Variants in TRIP12 observed in about 807,000 individuals in gnomAD.
The protein encoded by TRIP12 is thyroid hormone receptor interactor 12.
A neutral mutation model predicts 244.2 loss-of-function variants in TRIP12; 25 were observed. That is an observed-to-expected ratio of 0.10 (90% CI 0.07 to 0.14). The LOEUF (loss-of-function observed/expected upper bound fraction) is 0.14. Ranked by LOEUF, TRIP12 falls within the 10% of genes least tolerant of loss-of-function variation. The pLI, the probability that TRIP12 is intolerant of heterozygous loss-of-function variation, is 1.00. For synonymous variants in TRIP12, 905 were observed against 873.1 expected, an observed-to-expected ratio of 1.04 and a Z score of -0.64; for missense variants, 1,677 against 2,486.4, an observed-to-expected ratio of 0.67 and a Z score of 6.92.
intron 1 of TRIP12, among the ~76,000 whole-genome samples, chr2:229,909,503 A>G (rs915334184): frequency 1.3e-5 from 2 of 151,690 alleles, no homozygotes; most frequent in African/African-American, 4.8e-5. Context: ...GGCTGCAGTG[A>G]GCAGTGACTG....
chr2:229,770,866 A>T (rs143119242), intron 39 of TRIP12, among the ~76,000 whole-genome samples: 45 of 152,268 alleles, frequency 3.0e-4, no homozygotes, highest in East Asian at 1.7e-3. Flanking sequence ...GCCATGTGAG[A>T]TGTGCCTTTC....
intron 3 of TRIP12, 103 bp downstream of exon 3, chr2:229,860,303 A>G (rs2060254651): frequency 2.9e-6 from 4 of 1,387,368 alleles, no homozygotes; most frequent in Non-Finnish European, 3.9e-6. Context: ...TAATGAAAAT[A>G]TGTATCAAAA....
At chr2:229,822,020 G>A (rs2050188031) in intron 8 of TRIP12, among the ~76,000 whole-genome samples, 2 of 152,164 alleles carry the variant, frequency 1.3e-5, no homozygotes, top group South Asian at 4.1e-4. Flanking sequence ...TGCACCTGCA[G>A]TCCCAGATAC....
At chr2:229,844,170 G>A (rs935715864) in intron 4 of TRIP12, among the ~76,000 whole-genome samples, 5 of 152,206 alleles carry the variant, frequency 3.3e-5, no homozygotes, top group Non-Finnish European at 7.3e-5. Context: ...GAATAGTTAA[G>A]ATGCTTTGGG....
At position 229,778,337 on chromosome 2, in the gene TRIP12, T is replaced by G. The variant is rs928826841; in HGVS notation, c.5364+96A>C. On this transcript the variant is annotated intron_variant, in intron 36 of 41. Transcript: ENST00000675903. This position sits in a 1 kb window ranked among gnomAD's most constrained non-coding sequence, Gnocchi z 4.1. ...TATGTGTATTGAAGTTTGAGAAGCA[T>G]TGCTCTAAACTATAGCAGTAAACTA... 2.8e-6 allele frequency: 4 copies of G among 1,435,620 alleles called. No individual in the cohort carries two copies. Among genetic ancestry groups the G allele is most frequent in the Admixed American group, 2.1e-5 (1 of 47,344 alleles). The allele number at this position is 1,435,620 out of a possible 1,614,324, so 88.9% of individuals were successfully genotyped here.
chr2:229,775,806 C>T (rs1451224587), intron 37 of TRIP12, among the ~76,000 whole-genome samples: 1 of 151,594 alleles, frequency 6.6e-6, no homozygotes, highest in Admixed American at 6.6e-5. Flanking sequence ...ATTAAAGAAA[C>T]AGGATGTGGT....
chr2:229,840,911 CGTA>C lies in TRIP12; in HGVS notation c.1041_1043del (p.Thr348del). The C allele has an allele frequency of 1.2e-6, 2 of 1,603,776 alleles. No individual in the cohort carries two copies. Among genetic ancestry groups the C allele is most frequent in the African/African-American group, 2.7e-5 (2 of 74,134 alleles). ...CAGGTGGAGACTCACTGCGTTTCTT[CGTA>C]GATTTTCTTAAACCTATCCACAGAA... On this transcript the variant is annotated inframe_deletion, in exon 5 of 42. Transcript: ENST00000675903.
chr2:229,769,240 G>A lies in TRIP12; in HGVS notation c.5894C>T (p.Thr1965Ile). The change falls in exon 40 of 42, where the codon ACT (threonine) becomes ATT (isoleucine). Residue 1965 changes from threonine (T) to isoleucine (I), a missense_variant. Thr to Ile is a moderately conservative substitution (Grantham distance 89). Coordinates refer to ENST00000675903, the MANE Select transcript of TRIP12 (RefSeq NM_001348323.3). Reference protein sequence around the residue: ...MECCRPDHGYTHDSRAVKFLF... With the variant: ...MECCRPDHGYIHDSRAVKFLF... ...AGACCCCAGTACTTACCTGTCATGA[G>A]TATAACCATGATCAGGCCTACAGCA... 1 of 1,613,142 alleles carries A rather than the reference G, an allele frequency of 6.2e-7. No individual in the cohort carries two copies. The highest frequency in any genetic ancestry group is 8.5e-7 in the Non-Finnish European group (1 of 1,179,536).
intron 11 of TRIP12, 94 bp from the exon 12 acceptor site, chr2:229,814,419 A>T (rs2048000716): frequency 8.2e-7 from 1 of 1,218,738 alleles, no homozygotes; most frequent in Non-Finnish European, 1.2e-6. Context: ...ACATCCATGT[A>T]TACTATCTCT....
intron 31 of TRIP12, 29 bp downstream of exon 31, chr2:229,789,582 A>C (rs757817852): frequency 6.2e-7 from 1 of 1,601,882 alleles, no homozygotes; most frequent in Non-Finnish European, 8.5e-7. Context: ...CAGACCATGA[A>C]AACTTCATAA....
At chr2:229,771,799 A>G (rs966013277) in intron 38 of TRIP12, among the ~76,000 whole-genome samples, 167 bp from the exon 39 acceptor site, 1 of 152,214 alleles carries the variant, frequency 6.6e-6, no homozygotes, top group Non-Finnish European at 1.5e-5. Context: ...GTAAAACATC[A>G]GGTCAACATC....
intron 39 of TRIP12, among the ~76,000 whole-genome samples, chr2:229,770,558 G>A (rs917042221): frequency 6.6e-5 from 10 of 152,194 alleles, no homozygotes; most frequent in African/African-American, 2.4e-4. Context: ...TCAAAACTGA[G>A]GGAAACTGGA....
chr2:229,890,412 C>T, intron 1 of TRIP12, among the ~76,000 whole-genome samples: 1 of 152,126 alleles, frequency 6.6e-6, no homozygotes, highest in East Asian at 1.9e-4. Flanking sequence ...CAGAGGTTAA[C>T]TCTTTAACAT....
At chr2:229,819,856 C>T (rs576085299) in intron 8 of TRIP12, among the ~76,000 whole-genome samples, 3 of 152,226 alleles carry the variant, frequency 2.0e-5, no homozygotes, top group East Asian at 1.9e-4. Flanking sequence ...TTCCTGGGGG[C>T]GTACACCTCT....
At chr2:229,912,705 CAAT>C (rs1335531125) in intron 1 of TRIP12, among the ~76,000 whole-genome samples, 4 of 152,180 alleles carry the variant, frequency 2.6e-5, no homozygotes, top group Non-Finnish European at 5.9e-5. Context: ...CAAATATGCA[CAAT>C]GTTAGATGTT....
chr2:229,768,576 C>T (rs766186656), intron 41 of TRIP12, 40 bp downstream of exon 41: 1 of 1,592,542 alleles, frequency 6.3e-7, no homozygotes, highest in South Asian at 1.1e-5. Context: ...CAAACCCACC[C>T]ATAGGTAGAA....
chr2:229,852,211 TAG>T (rs1327689486), intron 4 of TRIP12, among the ~76,000 whole-genome samples: 10 of 152,186 alleles, frequency 6.6e-5, no homozygotes, highest in South Asian at 4.1e-4. Flanking sequence ...CTTTAAATAA[TAG>T]AGAGTAAAGT....
At chr2:229,856,732 C>T (rs2059669376) in intron 4 of TRIP12, among the ~76,000 whole-genome samples, 1 of 152,176 alleles carries the variant, frequency 6.6e-6, no homozygotes, top group African/African-American at 2.4e-5. Context: ...AGCATAAAAG[C>T]TGACATATGT....
At chr2:229,872,134 A>C (rs886902966) in intron 2 of TRIP12, among the ~76,000 whole-genome samples, 6 of 144,936 alleles carry the variant, frequency 4.1e-5, no homozygotes, top group African/African-American at 1.3e-4. Flanking sequence ...AAAAAAAAAG[A>C]AGCCTATATT....
Sources: allele counts gnomAD v4.1 joint callset (sites outside exome capture counted in the v4.1 genomes callset), GRCh38; gene constraint gnomAD v4.1.1; non-coding constraint Gnocchi (gnomAD v3.1); transcripts MANE v1.5; gene names NCBI Gene and HGNC (gene_info 2026-07-23, HGNC 2026-07-21).